PDE3A: variants seen among roughly 807,000 people sequenced by gnomAD.
The protein encoded by PDE3A is cGMP-inhibited 3',5'-cyclic phosphodiesterase 3A.
Under a neutral mutation model 98.3 loss-of-function variants are expected in PDE3A, and 43 were observed. The ratio of observed to expected loss-of-function variants is 0.44; its 90% CI spans 0.34 to 0.56. The LOEUF (loss-of-function observed/expected upper bound fraction) is 0.56. Among genes scored for constraint, PDE3A ranks in the 20% least tolerant of loss-of-function variants. The probability of loss-of-function intolerance (pLI) is 0.01; values close to 1 mark genes in which losing one functional copy is unlikely to be tolerated. For missense variants in PDE3A, 1,427 were observed against 1,440.7 expected (o/e 0.99, Z 0.15); for synonymous variants, 663 against 567.9 (o/e 1.17, Z -2.38).
At chr12:20,517,542 C>G (rs777496610) in intron 1 of PDE3A, among the ~76,000 whole-genome samples, 6 of 152,172 alleles carry the variant, frequency 3.9e-5, no homozygotes, top group Admixed American at 6.5e-5. Flanking sequence ...TGCTGTGTTT[C>G]CTACAGCTCC....
chr12:20,668,405 C>T (rs1484351772), intron 15 of PDE3A, among the ~76,000 whole-genome samples: 1 of 152,044 alleles, frequency 6.6e-6, no homozygotes, highest in Non-Finnish European at 1.5e-5. Flanking sequence ...AGGGCACAGA[C>T]AAACAAAAAG....
chr12:20,468,783 T>C (rs554196335), intron 1 of PDE3A, among the ~76,000 whole-genome samples: 16 of 152,338 alleles, frequency 1.1e-4, no homozygotes, highest in African/African-American at 3.6e-4. Context: ...AGCACTGTAA[T>C]TGGGTTTTGT....
At chr12:20,392,026 G>C (rs549293995) in intron 1 of PDE3A, among the ~76,000 whole-genome samples, 1 of 152,036 alleles carries the variant, frequency 6.6e-6, no homozygotes, top group Non-Finnish European at 1.5e-5. Flanking sequence ...CGAACCACTA[G>C]TCTAGTTAAT....
chr12:20,667,642 C>A (rs1376588157), intron 15 of PDE3A, among the ~76,000 whole-genome samples: 1 of 152,126 alleles, frequency 6.6e-6, no homozygotes, highest in African/African-American at 2.4e-5. Flanking sequence ...CATTTATATA[C>A]TAACACCATG....
intron 1 of PDE3A, among the ~76,000 whole-genome samples, chr12:20,374,825 A>G (rs867997744): frequency 1.7e-4 from 26 of 151,992 alleles, no homozygotes; most frequent in Non-Finnish European, 1.8e-4. Context: ...GTGTTATTTT[A>G]TCTATCAAAA....
chr12:20,381,429 T>G (rs547020915), intron 1 of PDE3A, among the ~76,000 whole-genome samples: 2 of 151,992 alleles, frequency 1.3e-5, no homozygotes, highest in South Asian at 4.1e-4. Context: ...TATGGTCTTT[T>G]GAGGGCATAA....
intron 15 of PDE3A, among the ~76,000 whole-genome samples, chr12:20,658,373 C>A (rs984099978): frequency 6.6e-6 from 1 of 152,078 alleles, no homozygotes; most frequent in Admixed American, 6.6e-5. Flanking sequence ...AGCCCAGGTA[C>A]CAGGTCCTTT....
chr12:20,389,393 G>A (rs1943872220), intron 1 of PDE3A, among the ~76,000 whole-genome samples: 1 of 151,852 alleles, frequency 6.6e-6, no homozygotes, highest in Non-Finnish European at 1.5e-5. Flanking sequence ...CAGAATGTCA[G>A]GTTATTAATG....
At chr12:20,420,744 T>A (rs539095671) in intron 1 of PDE3A, among the ~76,000 whole-genome samples, 1 of 152,210 alleles carries the variant, frequency 6.6e-6, no homozygotes, top group African/African-American at 2.4e-5. Flanking sequence ...TCCCTGTGAA[T>A]GCACACCGGG....
chr12:20,485,197 G>C (rs193170822), intron 1 of PDE3A, among the ~76,000 whole-genome samples: 1 of 152,104 alleles, frequency 6.6e-6, no homozygotes, highest in Non-Finnish European at 1.5e-5. Context: ...AGGGCTGCGA[G>C]GGAAAATCTA....
intron 2 of PDE3A, among the ~76,000 whole-genome samples, chr12:20,587,634 A>C (rs1181894253): frequency 3.9e-5 from 6 of 152,206 alleles, no homozygotes; most frequent in Admixed American, 2.6e-4. Flanking sequence ...ATCTGATTTC[A>C]ACTTCGGAAA....
chr12:20,683,308 G>A lies in PDE3A; in HGVS notation c.*3037G>A, dbSNP rs1945847307. The stretch of plus-strand genomic sequence containing the variant: ...AGAGCTTACTTCCTGTGGTGCCAAT[G>A]TATTTGTTGCAATTTACTACATTTT... On this transcript the variant is annotated 3_prime_UTR_variant, in exon 16 of 16. Transcript: ENST00000359062. 1 of 152,122 alleles carries A rather than the reference G, an allele frequency of 6.6e-6. No homozygotes were observed. Among genetic ancestry groups the A allele is most frequent in the Non-Finnish European group, 1.5e-5 (1 of 68,024 alleles). The allele number at this position is 152,122 out of a possible 1,614,324, so 9.4% of individuals were successfully genotyped here.
At chr12:20,600,296 G>A (rs549672589) in intron 2 of PDE3A, among the ~76,000 whole-genome samples, 5 of 152,176 alleles carry the variant, frequency 3.3e-5, no homozygotes, top group African/African-American at 1.2e-4. Context: ...CTTCTCTTTT[G>A]ATTCCTCATT....
intron 1 of PDE3A, among the ~76,000 whole-genome samples, chr12:20,477,699 T>C (rs1364262663): frequency 6.6e-6 from 1 of 152,238 alleles, no homozygotes; most frequent in Non-Finnish European, 1.5e-5. Context: ...TACTATCATG[T>C]ATAAGACGAA....
intron 2 of PDE3A, among the ~76,000 whole-genome samples, chr12:20,603,384 G>GCAAT (rs1319338657): frequency 3.3e-5 from 5 of 152,074 alleles, no homozygotes; most frequent in Non-Finnish European, 5.9e-5. Flanking sequence ...TCATTCCAAT[G>GCAAT]CAATCAACCA....
chr12:20,517,841 A>G (rs1946351235), intron 1 of PDE3A, among the ~76,000 whole-genome samples: 1 of 152,178 alleles, frequency 6.6e-6, no homozygotes, highest in Non-Finnish European at 1.5e-5. Context: ...TAACTTGACA[A>G]ATGCACATTC....
At chr12:20,398,799 T>A (rs1333241408) in intron 1 of PDE3A, among the ~76,000 whole-genome samples, 2 of 152,154 alleles carry the variant, frequency 1.3e-5, no homozygotes, top group Non-Finnish European at 2.9e-5. Context: ...ATTTCCTGTA[T>A]TTTTTTAAAA....
rs761310307 is a variant in PDE3A, at chr12:20,648,793, C to G, written c.2671C>G (p.His891Asp). ...GTATAACTTCTTAATTAACCTTGAC[C>G]ATGTGGAATTTAAGCATTTCCGTTT... ...PEYNFLINLD[H>D]VEFKHFRFLV... The change falls in exon 13 of 16, where the codon CAT becomes GAT. Residue 891 changes from histidine (H) to aspartate (D), a missense_variant. Coordinates refer to ENST00000359062, the MANE Select transcript of PDE3A (RefSeq NM_000921.5). The G allele has an allele frequency of 5.0e-6, 8 of 1,613,054 alleles. No homozygotes were observed. Among genetic ancestry groups the G allele is most frequent in the South Asian group, 4.4e-5 (4 of 91,058 alleles).
intron 1 of PDE3A, among the ~76,000 whole-genome samples, chr12:20,554,808 A>G (rs1942324998): frequency 6.6e-6 from 1 of 152,008 alleles, no homozygotes; most frequent in South Asian, 2.1e-4. Context: ...GCTGGTCATG[A>G]ACTCCTTTTT....
Sources: gnomAD v4.1 joint callset for allele counts (sites outside exome capture counted in the v4.1 genomes callset) on GRCh38, gnomAD v4.1.1 for gene constraint, MANE v1.5 for transcripts, NCBI Gene and HGNC (gene_info 2026-07-23, HGNC 2026-07-21) for gene names.